NUP98: variants seen among roughly 807,000 people sequenced by gnomAD.
The protein encoded by NUP98 is nuclear pore complex protein Nup98-Nup96.
In NUP98, 26 loss-of-function variants were observed where a neutral mutation model predicts 191.9. The observed-to-expected ratio is 0.14, with a 90% CI of 0.10 to 0.19. NUP98 has a LOEUF of 0.19. NUP98 is among the 10% of genes least tolerant of loss of function. NUP98 has a pLI of 1.00. For synonymous variants in NUP98, 808 were observed against 778.4 expected, an observed-to-expected ratio of 1.04 and a Z score of -0.63; for missense variants, 1,941 against 2,178.8, an observed-to-expected ratio of 0.89 and a Z score of 2.17.
chr11:3,753,306 A>C lies in NUP98; in HGVS notation c.1267+10T>G, dbSNP rs576127142. 5 of 1,606,740 alleles carry C rather than the reference A, an allele frequency of 3.1e-6. No individual in the cohort carries two copies. Among genetic ancestry groups the C allele is most frequent in the South Asian group, 2.2e-5 (2 of 90,866 alleles). ...GTCACTTCCTAGATCTCATGGTAGC[A>C]GTTTCTTACCTGTTCCAAATCCTGC... On this transcript the variant is annotated intron_variant, in intron 11 of 32. Coordinates refer to ENST00000324932, the MANE Select transcript of NUP98 (RefSeq NM_016320.5).
intron 20 of NUP98, chr11:3,711,898 T>G (rs1316707893): frequency 1.9e-6 from 2 of 1,037,326 alleles, no homozygotes; most frequent in African/African-American, 1.7e-5. Context: ...ATAAGAATTA[T>G]AGCATGGAAA....
intron 25 of NUP98, chr11:3,697,261 G>T (rs1478998327): frequency 6.6e-6 from 1 of 151,958 alleles, no homozygotes. Flanking sequence ...AAAATAAAAA[G>T]AAAAGAAAAC....
intron 3 of NUP98, 31 bp downstream of exon 3, chr11:3,779,125 A>C (rs749593003): frequency 6.2e-7 from 1 of 1,613,292 alleles, no homozygotes; most frequent in Admixed American, 1.7e-5. Flanking sequence ...AGCTACAAAC[A>C]AACCAGTTAT....
intron 31 of NUP98, among the ~76,000 whole-genome samples, chr11:3,679,138 A>AG (rs2077910771): frequency 6.6e-6 from 1 of 151,794 alleles, no homozygotes; most frequent in Non-Finnish European, 1.5e-5. Context: ...AAAAAAAAAA[A>AG]AAAAAACTGA....
intron 10 of NUP98, among the ~76,000 whole-genome samples, chr11:3,754,404 T>G (rs2080884372): frequency 6.6e-6 from 1 of 152,070 alleles, no homozygotes. Context: ...CTAGCATGGA[T>G]AGAGTGAGAC....
chr11:3,773,766 G>A, intron 5 of NUP98, 27 bp from the exon 6 acceptor site: 1 of 1,396,034 alleles, frequency 7.2e-7, no homozygotes, highest in Non-Finnish European at 1.0e-6. Flanking sequence ...AGGCAAATTT[G>A]TAGGTCCAAG....
intron 14 of NUP98, among the ~76,000 whole-genome samples, chr11:3,729,878 C>T (rs372838693): frequency 2.6e-5 from 4 of 152,126 alleles, no homozygotes; most frequent in African/African-American, 7.2e-5. Context: ...AAGCTGATCT[C>T]GAGCTACTGA....
chr11:3,726,734 C>A (rs1343095244), intron 14 of NUP98, among the ~76,000 whole-genome samples: 1 of 151,918 alleles, frequency 6.6e-6, no homozygotes, highest in East Asian at 1.9e-4. Flanking sequence ...TCTATCATTA[C>A]CAGTACCAAA....
chr11:3,705,219 C>A lies in NUP98; in HGVS notation c.3063G>T (p.Ser1021=), dbSNP rs747910690. 1 of 1,614,076 alleles carries A rather than the reference C, an allele frequency of 6.2e-7. No individual in the cohort carries two copies. The highest frequency in any genetic ancestry group is 8.5e-7 in the Non-Finnish European group (1 of 1,179,998). ...CTGTACCTAGTGAACGAGTTTTCGACGAGTGGGATGCTGAAATGGGGAGTC... is the reference window on the plus strand; with the variant it reads ...CTGTACCTAGTGAACGAGTTTTCGAAGAGTGGGATGCTGAAATGGGGAGTC... The part of the protein sequence containing the change: ...SPRLPISASH[S]SKTRSLVGGL... Residue 1021 remains serine (S), a synonymous_variant, in exon 22 of 33, where the codon TCG becomes TCT. Coordinates refer to ENST00000324932, the MANE Select transcript of NUP98 (RefSeq NM_016320.5).
At chr11:3,791,823 C>T (rs893796612) in intron 1 of NUP98, among the ~76,000 whole-genome samples, 2 of 142,214 alleles carry the variant, frequency 1.4e-5, no homozygotes, top group Middle Eastern at 3.5e-3. Flanking sequence ...GCCTAGGCGA[C>T]AGAGTGAGAC....
Position 3,758,748 on chromosome 11 carries a change from G to A in NUP98, c.1174+1791C>T, listed in dbSNP as rs191928513. Among the ~76,000 whole-genome samples the A allele has an allele frequency of 4.6e-5, 7 of 152,256 alleles. No individual in the cohort carries two copies. In the East Asian group the frequency reaches 1.4e-3, roughly 29 times the overall value. ...TGCAGTGAGCCAAGATTGTGCCATT[G>A]CACTCCAGCCTGGGAGGGAGGGGAG... On this transcript the variant is annotated intron_variant, in intron 10 of 32. Transcript: ENST00000324932.
At chr11:3,771,695 T>C in intron 7 of NUP98, 53 bp downstream of exon 7, 10 of 1,518,394 alleles carry the variant, frequency 6.6e-6, no homozygotes, top group Non-Finnish European at 9.1e-6. Flanking sequence ...TATGTTTTAG[T>C]TTTAGTTATC....
chr11:3,720,849 A>AAC (rs1554891452), intron 16 of NUP98, 24 bp from the exon 17 acceptor site: 55 of 908,778 alleles, frequency 6.1e-5, no homozygotes, highest in Non-Finnish European at 7.6e-5. Context: ...AAAAAAAAAA[A>AAC]CAGAAAAAAA....
rs551761362 is a variant in NUP98 at position 3,702,161 on chromosome 11, C to CTGAGA, written c.3512+297_3512+301dup. Reference sequence around the variant, plus strand: ...GCTGAGGCAGGAGAAGAGCCTCAGACTGAGAGGCAGAGGTTGCAGCAAGCT... The same window carrying CTGAGA: ...GCTGAGGCAGGAGAAGAGCCTCAGACTGAGATGAGAGGCAGAGGTTGCAGCAAGCT... On this transcript the variant is annotated intron_variant, in intron 23 of 32. Coordinates refer to ENST00000324932, the MANE Select transcript of NUP98 (RefSeq NM_016320.5). 1.3e-3 allele frequency among the ~76,000 whole-genome samples: 202 copies of CTGAGA among 151,914 alleles called. 1 individual carries two copies. Among genetic ancestry groups the CTGAGA allele is most frequent in the African/African-American group, 4.7e-3 (193 of 41,448 alleles).
chr11:3,743,395 C>G (rs2080358457), intron 12 of NUP98, among the ~76,000 whole-genome samples: 1 of 150,032 alleles, frequency 6.7e-6, no homozygotes, highest in Non-Finnish European at 1.5e-5. Flanking sequence ...GCCTCTAATC[C>G]CAGCACTTTG....
At chr11:3,756,763 A>G (rs1236671184) in intron 10 of NUP98, among the ~76,000 whole-genome samples, 1 of 152,098 alleles carries the variant, frequency 6.6e-6, no homozygotes, top group Non-Finnish European at 1.5e-5. Flanking sequence ...ATCTTAATAT[A>G]CATCACATAT....
chr11:3,688,877 T>C (rs931846865), intron 28 of NUP98, among the ~76,000 whole-genome samples: 14 of 145,682 alleles, frequency 9.6e-5, no homozygotes, highest in Non-Finnish European at 1.6e-4. Context: ...TGAAATGAGA[T>C]GAGCTATTTG....
chr11:3,769,575 CAAA>C (rs34035817), intron 7 of NUP98, among the ~76,000 whole-genome samples: 9 of 61,704 alleles, frequency 1.5e-4, no homozygotes, highest in Admixed American at 9.8e-4. Flanking sequence ...GATTCTGTCT[CAAA>C]AAAAAAAAAA....
chr11:3,752,410 G>A (rs980911416), intron 11 of NUP98, among the ~76,000 whole-genome samples: 1 of 151,564 alleles, frequency 6.6e-6, no homozygotes. Flanking sequence ...CCAGCTACTA[G>A]GAAGGCTGAG....
Sources: allele counts gnomAD v4.1 joint callset (sites outside exome capture counted in the v4.1 genomes callset), GRCh38; gene constraint gnomAD v4.1.1; transcripts MANE v1.5; gene names NCBI Gene and HGNC (gene_info 2026-07-23, HGNC 2026-07-21).